Variants in SRD5A2 observed in about 807,000 individuals in gnomAD.
The protein encoded by SRD5A2 is steroid 5 alpha-reductase 2.
Under a neutral mutation model 27.4 loss-of-function variants are expected in SRD5A2, and 30 were observed. That is an observed-to-expected ratio of 1.10 (90% CI 0.82 to 1.49). SRD5A2 has a LOEUF of 1.49. Ranked by LOEUF, SRD5A2 falls within the 40% of genes most tolerant of loss-of-function variation. The pLI, the probability that SRD5A2 is intolerant of heterozygous loss-of-function variation, is 0.00. For missense variants in SRD5A2, 348 were observed against 323.4 expected (o/e 1.08, Z -0.58); for synonymous variants, 141 against 133.6 (o/e 1.06, Z -0.38).
the SRD5A2 span, among the ~76,000 whole-genome samples, chr2:31,638,838 A>G: frequency 6.6e-6 from 1 of 151,778 alleles, no homozygotes; most frequent in African/African-American, 2.4e-5. Context: ...AAGACAGTAT[A>G]TAATTGGGTC....
upstream of SRD5A2, among the ~76,000 whole-genome samples, chr2:31,583,079 C>G (rs1046259239): frequency 7.2e-5 from 11 of 152,170 alleles, no homozygotes; most frequent in Non-Finnish European, 1.5e-4. Context: ...TGTGGGTTGG[C>G]TGTGGGTCAG....
chr2:31,525,300 C>G lies in SRD5A2; in HGVS notation c.*896G>C, dbSNP rs1665752809. 1 of 224,568 alleles carries G rather than the reference C, an allele frequency of 4.5e-6. No individual in the cohort carries two copies. Among genetic ancestry groups the G allele is most frequent in the Non-Finnish European group, 8.9e-6 (1 of 112,504 alleles). 13.9% of individuals were successfully genotyped at this position (224,568 alleles called of 1,614,324 possible). On this transcript the variant is annotated 3_prime_UTR_variant, in exon 5 of 5. Transcript: ENST00000622030. ...GGAGGCAAGCAGCATGTAACCTCAT[C>G]ATTAATTCTCTTTGTTTTACACTAC...
At chr2:31,638,844 G>T in the SRD5A2 span, among the ~76,000 whole-genome samples, 1 of 151,346 alleles carries the variant, frequency 6.6e-6, no homozygotes, top group Non-Finnish European at 1.5e-5. Flanking sequence ...GTATATAATT[G>T]GGTCTTGCTT....
At chr2:31,583,116 T>G (rs189995982), upstream of SRD5A2, among the ~76,000 whole-genome samples, 23 of 152,348 alleles carry the variant, frequency 1.5e-4, no homozygotes, top group Admixed American at 1.1e-3. Flanking sequence ...TGACTTATCT[T>G]AACAATATTC....
At chr2:31,570,007 A>T (rs1471110292) in intron 1 of SRD5A2, among the ~76,000 whole-genome samples, 3 of 152,012 alleles carry the variant, frequency 2.0e-5, no homozygotes, top group Admixed American at 6.6e-5. Flanking sequence ...AGGAAGAGGG[A>T]CTCCTCCCCA....
the SRD5A2 span, among the ~76,000 whole-genome samples, chr2:31,661,279 C>A: frequency 6.6e-6 from 1 of 152,238 alleles, no homozygotes; most frequent in East Asian, 1.9e-4. Flanking sequence ...AGTTAACACA[C>A]CCAAAAATGG....
At chr2:31,575,630 T>C (rs1391381917) in intron 1 of SRD5A2, among the ~76,000 whole-genome samples, 1 of 152,200 alleles carries the variant, frequency 6.6e-6, no homozygotes, top group East Asian at 1.9e-4. Flanking sequence ...GAAGCCATCA[T>C]TTTATTTGGC....
At chr2:31,578,103 G>C (rs1666996599) in intron 1 of SRD5A2, among the ~76,000 whole-genome samples, 1 of 152,168 alleles carries the variant, frequency 6.6e-6, no homozygotes, top group East Asian at 1.9e-4. Context: ...ACAAGCATGT[G>C]TGAAAATCTA....
chr2:31,540,104 A>G (rs1248167164), intron 1 of SRD5A2, among the ~76,000 whole-genome samples: 1 of 152,212 alleles, frequency 6.6e-6, no homozygotes, highest in Non-Finnish European at 1.5e-5. Context: ...GTAAAATGAC[A>G]ACACTTTTAA....
intron 1 of SRD5A2, among the ~76,000 whole-genome samples, chr2:31,572,036 C>G (rs1666858316): frequency 8.8e-3 from 1 of 114 alleles, no homozygotes; most frequent in South Asian, 0.17. Context: ...TGTGCATGCT[C>G]ATTGCAGCAC....
chr2:31,536,861 T>C (rs1306342613), intron 1 of SRD5A2, among the ~76,000 whole-genome samples: 3 of 152,192 alleles, frequency 2.0e-5, no homozygotes, highest in African/African-American at 7.2e-5. Context: ...TGGGACCACA[T>C]CACTTTAATT....
At chr2:31,555,107 CACTT>C (rs965536399) in intron 1 of SRD5A2, among the ~76,000 whole-genome samples, 6 of 151,708 alleles carry the variant, frequency 4.0e-5, no homozygotes, top group Non-Finnish European at 7.4e-5. Context: ...CAAAATAACT[CACTT>C]ATTTCCAAGT....
the SRD5A2 span, among the ~76,000 whole-genome samples, chr2:31,589,521 C>T: frequency 1.3e-5 from 2 of 152,232 alleles, no homozygotes; most frequent in African/African-American, 4.8e-5. Context: ...CGAGAGAACA[C>T]CTCCATTGGG....
At chr2:31,561,450 T>C (rs527689482) in intron 1 of SRD5A2, among the ~76,000 whole-genome samples, 1 of 152,294 alleles carries the variant, frequency 6.6e-6, no homozygotes, top group Admixed American at 6.5e-5. Context: ...GCAAATGTTA[T>C]CTGGTTTTAA....
At chr2:31,591,199 C>T in the SRD5A2 span, among the ~76,000 whole-genome samples, 1 of 152,124 alleles carries the variant, frequency 6.6e-6, no homozygotes, top group Non-Finnish European at 1.5e-5. Flanking sequence ...TGACAAAGGG[C>T]TAATATCCAG....
chr2:31,617,146 T>G, the SRD5A2 span, among the ~76,000 whole-genome samples: 8 of 152,186 alleles, frequency 5.3e-5, no homozygotes, highest in African/African-American at 1.9e-4. Context: ...CCATTAAACC[T>G]TTTTCTTTAT....
chr2:31,554,103 C>A (rs1313814987), intron 1 of SRD5A2, among the ~76,000 whole-genome samples: 1 of 152,154 alleles, frequency 6.6e-6, no homozygotes, highest in Non-Finnish European at 1.5e-5. Context: ...TACTTGTTAT[C>A]TTCCAAGTGA....
chr2:31,543,826 A>G (rs1666188049), intron 1 of SRD5A2, among the ~76,000 whole-genome samples: 2 of 152,148 alleles, frequency 1.3e-5, no homozygotes, highest in African/African-American at 4.8e-5. Context: ...TAAAAATTAT[A>G]GAAGTAAGTT....
the SRD5A2 span, among the ~76,000 whole-genome samples, chr2:31,656,926 A>G: frequency 3.9e-5 from 6 of 152,194 alleles, no homozygotes; most frequent in Non-Finnish European, 7.3e-5. Context: ...TGGGGGAAAA[A>G]CAGATCCAAA....
Sources: allele counts gnomAD v4.1 joint callset (sites outside exome capture counted in the v4.1 genomes callset), GRCh38; gene constraint gnomAD v4.1.1; transcripts MANE v1.5; gene names NCBI Gene and HGNC (gene_info 2026-07-23, HGNC 2026-07-21).